PELI1: variants seen among roughly 807,000 people sequenced by gnomAD.
The protein encoded by PELI1 is E3 ubiquitin-protein ligase pellino homolog 1.
In PELI1, 15 loss-of-function variants were observed where a neutral mutation model predicts 41.3. That is an observed-to-expected ratio of 0.36 (90% CI 0.24 to 0.56). The LOEUF (loss-of-function observed/expected upper bound fraction) is 0.56. Ranked by LOEUF, PELI1 falls within the 20% of genes least tolerant of loss-of-function variation. PELI1 has a pLI of 0.82. For missense variants in PELI1, 403 were observed against 525.5 expected (o/e 0.77, Z 2.28); for synonymous variants, 178 against 180.1 (o/e 0.99, Z 0.09).
chr2:64,105,844 T>A (rs1270320053), intron 2 of PELI1, among the ~76,000 whole-genome samples: 1 of 152,050 alleles, frequency 6.6e-6, no homozygotes, highest in Non-Finnish European at 1.5e-5. Context: ...ATCTACCATA[T>A]GTAGTTGGTC....
chr2:64,112,439 T>C (rs1680836116), intron 1 of PELI1, among the ~76,000 whole-genome samples: 1 of 152,148 alleles, frequency 6.6e-6, no homozygotes. Context: ...AGAACAATTT[T>C]TTTGCTTAGA....
Position 64,094,259 on chromosome 2 carries a change from C to T in PELI1, c.*443G>A, listed in dbSNP as rs1261728543. The T allele has an allele frequency of 6.3e-6, 1 of 157,546 alleles. No individual in the cohort carries two copies. The highest frequency in any genetic ancestry group is 2.4e-5 in the African/African-American group (1 of 41,436). The allele number at this position is 157,546 out of a possible 1,614,324, so 9.8% of individuals were successfully genotyped here. A position where few individuals can be genotyped will look rare whatever the true frequency, so the allele number is the denominator to read the frequency against. On this transcript the variant is annotated 3_prime_UTR_variant, in exon 7 of 7. Coordinates refer to ENST00000358912, the MANE Select transcript of PELI1 (RefSeq NM_020651.4). ...CGTTACCATGCTACTCTATCAAGAA[C>T]ATTCTAAGGTATTTTCTATAATAAA... is the stretch of plus-strand genomic sequence containing the variant.
intron 1 of PELI1, among the ~76,000 whole-genome samples, chr2:64,122,999 T>A (rs10185776): frequency 0.32 from 48,211 of 152,042 alleles, 8,274 homozygotes; most frequent in East Asian, 0.77. Flanking sequence ...TAGTGCAGCT[T>A]GCTAACTGAT....
At chr2:64,123,595 A>G (rs1011292923) in intron 1 of PELI1, among the ~76,000 whole-genome samples, 1 of 152,264 alleles carries the variant, frequency 6.6e-6, no homozygotes, top group South Asian at 2.1e-4. Flanking sequence ...AATCAAACCC[A>G]CAATGACCAC....
chr2:64,095,293 CAT>C (rs764398331), intron 6 of PELI1, 25 bp from the exon 7 acceptor site: 300 of 1,517,374 alleles, frequency 2.0e-4, no homozygotes, highest in Non-Finnish European at 2.3e-4. Flanking sequence ...AGTTGAAAAA[CAT>C]ATTCACCACT....
chr2:64,107,791 C>A (rs1680670985), intron 2 of PELI1, among the ~76,000 whole-genome samples: 1 of 152,058 alleles, frequency 6.6e-6, no homozygotes, highest in South Asian at 2.1e-4. Context: ...AATTTTCCTG[C>A]CTCAATCTCC....
At chr2:64,098,465 C>T (rs1307259211) in intron 4 of PELI1, among the ~76,000 whole-genome samples, 1 of 152,188 alleles carries the variant, frequency 6.6e-6, no homozygotes, top group Admixed American at 6.6e-5. Flanking sequence ...TACTTCTTTG[C>T]TTCTTTGCCA....
At chr2:64,112,737 T>G (rs920832932) in intron 1 of PELI1, among the ~76,000 whole-genome samples, 10 of 152,276 alleles carry the variant, frequency 6.6e-5, no homozygotes, top group Non-Finnish European at 1.5e-4. Context: ...CCCAAGATAG[T>G]TTTCAAAATT....
At position 64,096,555 on chromosome 2, in the gene PELI1, C is replaced by A; in HGVS notation, c.359G>T (p.Gly120Val). The change falls in exon 5 of 7, where the codon GGA (glycine) becomes GTA (valine). Residue 120 changes from glycine (G) to valine (V), a missense_variant. Coordinates refer to ENST00000358912, the MANE Select transcript of PELI1 (RefSeq NM_020651.4). ...IDFVVTDTVP[G>V]SQSNSDTQSV... ...CTGTGTATCAGAATTACTTTGACTT[C>A]CAGGAACCGTGTCAGTTACTACAAA... 1 of 1,612,960 alleles carries A rather than the reference C, an allele frequency of 6.2e-7. No homozygotes were observed. The highest frequency in any genetic ancestry group is 8.5e-7 in the Non-Finnish European group (1 of 1,179,062).
intron 1 of PELI1, among the ~76,000 whole-genome samples, chr2:64,127,542 A>G (rs559047447): frequency 1.3e-5 from 2 of 152,328 alleles, no homozygotes; most frequent in Admixed American, 6.5e-5. Flanking sequence ...ATCAGGGAGA[A>G]GAGTAAGGTT....
At chr2:64,110,332 A>T (rs1257464582) in intron 1 of PELI1, among the ~76,000 whole-genome samples, 3 of 152,160 alleles carry the variant, frequency 2.0e-5, no homozygotes, top group Admixed American at 2.0e-4. Flanking sequence ...AATTAGACTG[A>T]CAGTGGAGTT....
At chr2:64,129,095 T>C (rs1472952093) in intron 1 of PELI1, among the ~76,000 whole-genome samples, 1 of 152,192 alleles carries the variant, frequency 6.6e-6, no homozygotes, top group African/African-American at 2.4e-5. Flanking sequence ...ATACACTTAC[T>C]GACCATTTGC....
chr2:64,096,425 G>A lies in PELI1; in HGVS notation c.489C>T (p.Asn163=), dbSNP rs773464144. 7.5e-6 allele frequency: 12 copies of A among 1,608,372 alleles called. No individual in the cohort carries two copies. In the East Asian group the frequency reaches 1.3e-4, roughly 18 times the overall value. The part of the protein sequence containing the change: ...IYAAGFDSSK[N]IFLGEKAAKW... ...AAAAGCTTTTTACCCCAAGAAAGAT[G>A]TTTTTTGATGAGTCAAATCCTGCAG... Residue 163 remains asparagine (N), a synonymous_variant, in exon 5 of 7, where the codon AAC becomes AAT. Coordinates refer to ENST00000358912, the MANE Select transcript of PELI1 (RefSeq NM_020651.4).
intron 3 of PELI1, among the ~76,000 whole-genome samples, chr2:64,103,575 G>A (rs137979335): frequency 7.0e-4 from 106 of 152,172 alleles, no homozygotes; most frequent in African/African-American, 1.2e-3. Context: ...ATTCCTTCTC[G>A]CCAAAGGAGC....
intron 1 of PELI1, among the ~76,000 whole-genome samples, chr2:64,127,928 T>C (rs1229879510): frequency 7.2e-5 from 11 of 152,142 alleles, no homozygotes; most frequent in Non-Finnish European, 5.9e-5. Context: ...CCATCTCAGA[T>C]AAAAACAGGC....
At chr2:64,126,101 T>C (rs1681374475) in intron 1 of PELI1, among the ~76,000 whole-genome samples, 1 of 152,238 alleles carries the variant, frequency 6.6e-6, no homozygotes, top group African/African-American at 2.4e-5. Context: ...TAATAACCAT[T>C]GTGAGCTTTC....
chr2:64,118,934 C>T lies in PELI1; in HGVS notation c.-69-10555G>A, dbSNP rs372403381. On this transcript the variant is annotated intron_variant, in intron 1 of 6. Coordinates refer to ENST00000358912, the MANE Select transcript of PELI1 (RefSeq NM_020651.4). ...AACAACATAATTCTCAAATTTGTAA[C>T]GGAAAAGTAAGCAATGAACAACATT... Among the ~76,000 whole-genome samples the T allele has an allele frequency of 5.7e-4, 87 of 151,376 alleles. 1 individual carries two copies. The highest frequency in any genetic ancestry group is 2.0e-3 in the African/African-American group (83 of 41,294).
intron 1 of PELI1, among the ~76,000 whole-genome samples, chr2:64,119,517 A>C (rs1031872681): frequency 6.6e-6 from 1 of 152,206 alleles, no homozygotes; most frequent in Non-Finnish European, 1.5e-5. Flanking sequence ...CAGTTCTTTC[A>C]CTTAAGCACC....
chr2:64,117,026 T>C (rs1301446421), intron 1 of PELI1, among the ~76,000 whole-genome samples: 2 of 152,234 alleles, frequency 1.3e-5, no homozygotes, highest in Non-Finnish European at 1.5e-5. Flanking sequence ...GGTGGTACAC[T>C]TAATTGATAA....
Sources: allele counts gnomAD v4.1 joint callset (sites outside exome capture counted in the v4.1 genomes callset), GRCh38; gene constraint gnomAD v4.1.1; transcripts MANE v1.5; gene names NCBI Gene and HGNC (gene_info 2026-07-23, HGNC 2026-07-21).